The following COX7B2 variants were observed in gnomAD, a reference collection of about 807,000 sequenced individuals.
COX7B2 encodes cytochrome c oxidase subunit 7B2, also known as cytochrome c oxidase subunit 7B2, mitochondrial.
For missense variants in COX7B2, 109 were observed against 95.9 expected (o/e 1.14, Z -0.57); for synonymous variants, 37 against 32.1 (o/e 1.15, Z -0.51).
intron 2 of COX7B2, among the ~76,000 whole-genome samples, chr4:46,777,626 T>A (rs1043226577): frequency 6.6e-6 from 1 of 152,008 alleles, no homozygotes; most frequent in African/African-American, 2.4e-5. Context: ...ATCTGTATTA[T>A]AAGAAAGAAG....
chr4:46,882,459 T>C (rs1469756394), intron 1 of COX7B2, among the ~76,000 whole-genome samples: 1 of 152,232 alleles, frequency 6.6e-6, no homozygotes, highest in Non-Finnish European at 1.5e-5. Context: ...CAACTTGCTT[T>C]ATGAATCTGG....
chr4:46,833,282 T>G (rs974563093), intron 2 of COX7B2, among the ~76,000 whole-genome samples: 1 of 152,216 alleles, frequency 6.6e-6, no homozygotes, highest in African/African-American at 2.4e-5. Flanking sequence ...ACTAACACAG[T>G]ATGTCCTGGC....
In COX7B2 at chr4:46,803,895, C is replaced by T. The variant is rs191158113; in HGVS notation, c.-50+41065G>A. ...CTAAATCTTGCCTTTGTGCTACTTT[C>T]GAGGTCTCTTAGGAAAACACTGTGT... On this transcript the variant is annotated intron_variant, in intron 2 of 2. Transcript: ENST00000355591. Among the ~76,000 whole-genome samples the T allele has an allele frequency of 3.4e-4, 51 of 152,204 alleles. No individual in the cohort carries two copies. The South Asian group carries it at 7.5e-3, about 22-fold the overall frequency.
intron 2 of COX7B2, among the ~76,000 whole-genome samples, chr4:46,811,610 T>A (rs1719289060): frequency 6.6e-6 from 1 of 152,180 alleles, no homozygotes; most frequent in Admixed American, 6.5e-5. Context: ...ATTATTTTGA[T>A]TTCCTTTTTA....
chr4:46,741,032 G>C (rs927155725), intron 2 of COX7B2, among the ~76,000 whole-genome samples: 2 of 152,056 alleles, frequency 1.3e-5, no homozygotes, highest in African/African-American at 4.8e-5. Flanking sequence ...GAAGGGGGAG[G>C]CATCTTCAAA....
chr4:46,829,808 T>TA, intron 2 of COX7B2, among the ~76,000 whole-genome samples: 1 of 152,160 alleles, frequency 6.6e-6, no homozygotes, highest in African/African-American at 2.4e-5. Flanking sequence ...GGAAGTGACA[T>TA]AAAATAACAG....
chr4:46,887,739 A>C (rs1719166502), intron 1 of COX7B2, among the ~76,000 whole-genome samples: 1 of 150,438 alleles, frequency 6.6e-6, no homozygotes. Flanking sequence ...AAAAGGAAGT[A>C]TCCTATACAG....
chr4:46,749,890 C>T (rs1410188289), intron 2 of COX7B2, among the ~76,000 whole-genome samples: 3 of 152,124 alleles, frequency 2.0e-5, no homozygotes, highest in Non-Finnish European at 4.4e-5. Context: ...AGTTTCTCCT[C>T]TGCACAGAGA....
intron 2 of COX7B2, among the ~76,000 whole-genome samples, chr4:46,753,350 G>T (rs1298202491): frequency 6.6e-6 from 1 of 151,132 alleles, no homozygotes; most frequent in Non-Finnish European, 1.5e-5. Context: ...CAATTTTGTT[G>T]ATCTTTTCAA....
Position 46,871,393 on chromosome 4 carries a change from A to T in COX7B2, c.-104-26379T>A, listed in dbSNP as rs117531996. ...CCCAAAACTATAAAAACCTTGGAAGATAACCTAGACAATATCATCCTGCAC... is the reference window on the plus strand; with the variant it reads ...CCCAAAACTATAAAAACCTTGGAAGTTAACCTAGACAATATCATCCTGCAC... On this transcript the variant is annotated intron_variant, in intron 1 of 2. Transcript: ENST00000355591. Among the ~76,000 whole-genome samples, 32 of 152,320 alleles carry T rather than the reference A, an allele frequency of 2.1e-4. 1 individual carries two copies. The East Asian group carries it at 4.0e-3, about 19-fold the overall frequency.
chr4:46,807,702 C>T (rs1362225764), intron 2 of COX7B2, among the ~76,000 whole-genome samples: 1 of 151,680 alleles, frequency 6.6e-6, no homozygotes. Flanking sequence ...GGTATAAGGG[C>T]CTACTTCATT....
intron 2 of COX7B2, among the ~76,000 whole-genome samples, chr4:46,754,076 A>G (rs989942238): frequency 3.3e-5 from 5 of 152,118 alleles, no homozygotes; most frequent in African/African-American, 1.2e-4. Context: ...GGTGCTGGAG[A>G]GGATGTGGAG....
At chr4:46,851,093 T>C in intron 1 of COX7B2, among the ~76,000 whole-genome samples, 1 of 152,002 alleles carries the variant, frequency 6.6e-6, no homozygotes, top group Non-Finnish European at 1.5e-5. Flanking sequence ...AGAGCTGCTA[T>C]TAGAGATCTT....
chr4:46,888,046 T>C (rs1304856319), intron 1 of COX7B2, among the ~76,000 whole-genome samples: 1 of 152,164 alleles, frequency 6.6e-6, no homozygotes, highest in Non-Finnish European at 1.5e-5. Context: ...CTCAAACATC[T>C]GGAAAACAAC....
At position 46,786,238 on chromosome 4, in the gene COX7B2, C is replaced by T. The variant is rs371393065; in HGVS notation, c.-49-50997G>A. Among the ~76,000 whole-genome samples, 15 of 152,240 alleles carry T rather than the reference C, an allele frequency of 9.9e-5. No individual in the cohort carries two copies. In the East Asian group the frequency reaches 2.9e-3, roughly 29 times the overall value. ...CTGCTCTTTATAATTTACTTTTGCA[C>T]CTAAAATATATTATGAACATCTTCT... On this transcript the variant is annotated intron_variant, in intron 2 of 2. Coordinates refer to ENST00000355591, the MANE Select transcript of COX7B2 (RefSeq NM_130902.3).
chr4:46,887,533 A>T (rs982758590), intron 1 of COX7B2, among the ~76,000 whole-genome samples: 8 of 152,124 alleles, frequency 5.3e-5, no homozygotes, highest in African/African-American at 1.9e-4. Context: ...AACACGGTGA[A>T]GCCCCATCTC....
rs552422449 is a variant in COX7B2 at position 46,768,236 on chromosome 4, C to T, written c.-49-32995G>A. Among the ~76,000 whole-genome samples the T allele has an allele frequency of 3.7e-3, 560 of 152,238 alleles. 4 individuals are homozygous for T. The highest frequency in any genetic ancestry group is 0.013 in the African/African-American group (532 of 41,544). ...TGGTGAATGCAGAGATTTTACTGAG[C>T]GATGGAAGTGGCTCTCAGCAGGATG... On this transcript the variant is annotated intron_variant, in intron 2 of 2. Transcript: ENST00000355591.
chr4:46,756,632 A>C (rs1715817799), intron 2 of COX7B2, among the ~76,000 whole-genome samples: 1 of 152,136 alleles, frequency 6.6e-6, no homozygotes, highest in Admixed American at 6.6e-5. Flanking sequence ...CCCTATTACA[A>C]AGTTGGCAAA....
chr4:46,904,162 G>C (rs1378056028), intron 1 of COX7B2: 1 of 151,828 alleles, frequency 6.6e-6, no homozygotes, highest in Admixed American at 6.6e-5. Context: ...TAAAATCTGG[G>C]GTGAAAAAGA....
Sources: allele counts gnomAD v4.1 joint callset (sites outside exome capture counted in the v4.1 genomes callset), GRCh38; gene constraint gnomAD v4.1.1; transcripts MANE v1.5; gene names NCBI Gene and HGNC (gene_info 2026-07-23, HGNC 2026-07-21).